Variants in IMPG2 observed in about 807,000 individuals in gnomAD.
IMPG2 encodes IPM 200.
Under a neutral mutation model 129.2 loss-of-function variants are expected in IMPG2, and 91 were observed. The ratio of observed to expected loss-of-function variants is 0.70; its 90% CI spans 0.59 to 0.84. IMPG2 has a LOEUF of 0.84. Among genes scored for constraint, IMPG2 ranks in the 40% least tolerant of loss-of-function variants. The pLI, the probability that IMPG2 is intolerant of heterozygous loss-of-function variation, is 0.00. For synonymous variants in IMPG2, 510 were observed against 517.7 expected, an observed-to-expected ratio of 0.99 and a Z score of 0.20; for missense variants, 1,430 against 1,461.7, an observed-to-expected ratio of 0.98 and a Z score of 0.35.
At chr3:101,313,868 C>A (rs1373370909) in intron 2 of IMPG2, among the ~76,000 whole-genome samples, 2 of 152,010 alleles carry the variant, frequency 1.3e-5, no homozygotes, top group African/African-American at 4.8e-5. Flanking sequence ...GCTACTAGAA[C>A]TGGTAAGTGA....
At chr3:101,306,023 G>A (rs1040530361) in intron 2 of IMPG2, among the ~76,000 whole-genome samples, 1 of 152,138 alleles carries the variant, frequency 6.6e-6, no homozygotes, top group East Asian at 1.9e-4. Flanking sequence ...TCCACATTGA[G>A]GTGGAGCCTC....
chr3:101,287,599 A>T (rs1162047430), intron 4 of IMPG2, among the ~76,000 whole-genome samples: 1 of 152,166 alleles, frequency 6.6e-6, no homozygotes, highest in East Asian at 1.9e-4. Flanking sequence ...ATCTACAACC[A>T]ACTGATCTTC....
intron 4 of IMPG2, among the ~76,000 whole-genome samples, chr3:101,289,606 T>C (rs898415791): frequency 6.6e-6 from 1 of 152,202 alleles, no homozygotes; most frequent in Admixed American, 6.5e-5. Flanking sequence ...AGAAGGAAAC[T>C]GAGACAGATG....
intron 18 of IMPG2, among the ~76,000 whole-genome samples, chr3:101,227,425 G>C (rs1706237001): frequency 6.6e-6 from 1 of 152,216 alleles, no homozygotes; most frequent in African/African-American, 2.4e-5. Context: ...CAGTGCACCA[G>C]AAGAAACAGA....
chr3:101,248,886 C>A (rs1418300021), intron 11 of IMPG2, among the ~76,000 whole-genome samples: 1 of 151,884 alleles, frequency 6.6e-6, no homozygotes, highest in Non-Finnish European at 1.5e-5. Context: ...GCCCTCTGCC[C>A]TAGGAGGCTG....
At chr3:101,298,488 A>C (rs1018311294) in intron 3 of IMPG2, among the ~76,000 whole-genome samples, 8 of 152,260 alleles carry the variant, frequency 5.3e-5, no homozygotes, top group Admixed American at 3.3e-4. Context: ...GTTTCTTCAT[A>C]GTGTCATTGG....
At chr3:101,254,253 G>T (rs1372011608) in intron 10 of IMPG2, among the ~76,000 whole-genome samples, 1 of 152,074 alleles carries the variant, frequency 6.6e-6, no homozygotes, top group African/African-American at 2.4e-5. Context: ...TCACTGTAAT[G>T]ATATTAAAGA....
At chr3:101,310,380 T>C (rs1707250989) in intron 2 of IMPG2, among the ~76,000 whole-genome samples, 1 of 151,998 alleles carries the variant, frequency 6.6e-6, no homozygotes, top group African/African-American at 2.4e-5. Flanking sequence ...TGGGCAACGA[T>C]ATCTTGTCTC....
intron 4 of IMPG2, among the ~76,000 whole-genome samples, chr3:101,279,637 G>A (rs931599597): frequency 1.2e-4 from 19 of 152,166 alleles, no homozygotes; most frequent in Non-Finnish European, 2.1e-4. Context: ...ACAGCAACTC[G>A]AATAGGATGT....
chr3:101,228,883 C>G lies in IMPG2; in HGVS notation c.3634-7G>C. 2 of 1,609,274 alleles carry G rather than the reference C, an allele frequency of 1.2e-6. No individual in the cohort carries two copies. Among genetic ancestry groups the G allele is most frequent in the Non-Finnish European group, 1.7e-6 (2 of 1,175,824 alleles). On this transcript the variant is annotated splice_region_variant and splice_polypyrimidine_tract_variant and intron_variant, in intron 17 of 18. Transcript: ENST00000193391. ...TCATTCTCTCTTGAATTTCCTTAAA[C>G]AAAAAAGAAACAATAGGCCACACAT... is the stretch of plus-strand genomic sequence containing the variant.
rs1296634517 is a variant in IMPG2, at chr3:101,244,457, G to T, written c.1874C>A (p.Ala625Asp). ...AAGCCACGGCTTGGACAGTGGTTCA[G>T]CGCTCTTCTCTGATGAAGTCTCACT... ...PWSETSSEKS[A>D]EPLSKPWLED... Residue 625 changes from alanine (A) to aspartate (D), a missense_variant, in exon 13 of 19, where the codon GCT becomes GAT. Ala to Asp is a moderately radical substitution (Grantham distance 126). Transcript: ENST00000193391. 3 of 1,614,156 alleles carry T rather than the reference G, an allele frequency of 1.9e-6. No individual in the cohort carries two copies. Among genetic ancestry groups the T allele is most frequent in the Non-Finnish European group, 2.5e-6 (3 of 1,180,012 alleles).
intron 4 of IMPG2, among the ~76,000 whole-genome samples, chr3:101,282,648 T>A (rs1364977302): frequency 6.6e-6 from 1 of 152,124 alleles, no homozygotes; most frequent in Admixed American, 6.5e-5. Flanking sequence ...TACAGATTTC[T>A]CCTTTACCTA....
Position 101,306,065 on chromosome 3 carries a change from C to T in IMPG2, c.335-1753G>A, listed in dbSNP as rs559112230. 1.5e-4 allele frequency among the ~76,000 whole-genome samples: 23 copies of T among 152,280 alleles called. 1 individual carries two copies. The highest frequency in any genetic ancestry group is 7.8e-4 in the Admixed American group (12 of 15,294). ...CCCACAGTCAGAAGATCTAAGTTCC[C>T]GCTCTAGCTTTCCAGTATACTAGTT... On this transcript the variant is annotated intron_variant, in intron 2 of 18. Transcript: ENST00000193391.
intron 14 of IMPG2, among the ~76,000 whole-genome samples, chr3:101,235,190 TG>T (rs1706333033): frequency 6.6e-6 from 1 of 152,254 alleles, no homozygotes; most frequent in Non-Finnish European, 1.5e-5. Flanking sequence ...ATCACCATCA[TG>T]CTGTGCATGG....
chr3:101,231,505 G>C (rs529264720), intron 15 of IMPG2, among the ~76,000 whole-genome samples: 18 of 152,200 alleles, frequency 1.2e-4, no homozygotes, highest in South Asian at 2.1e-4. Flanking sequence ...ACTGGGCCTA[G>C]AACCCAGGCC....
At chr3:101,229,311 C>CCCCCCCCCCCT in intron 17 of IMPG2, 69 bp downstream of exon 17, 1 of 876,522 alleles carries the variant, frequency 1.1e-6, no homozygotes, top group Non-Finnish European at 1.8e-6. Flanking sequence ...CCCCCACCCA[C>CCCCCCCCCCCT]CACCCCCTGC....
In IMPG2 at chr3:101,239,451, T is replaced by C. The variant is rs368912007; in HGVS notation, c.3022+3237A>G. Reference sequence around the variant, plus strand: ...AGGAAACAACAGATGCTGGAGAGGATGTGGAGAAATAGGAACACCTTTACA... The same window carrying C: ...AGGAAACAACAGATGCTGGAGAGGACGTGGAGAAATAGGAACACCTTTACA... On this transcript the variant is annotated intron_variant, in intron 14 of 18. Coordinates refer to ENST00000193391, the MANE Select transcript of IMPG2 (RefSeq NM_016247.4). Among the ~76,000 whole-genome samples, 15 of 152,296 alleles carry C rather than the reference T, an allele frequency of 9.8e-5. 1 individual carries two copies. The highest frequency in any genetic ancestry group is 3.6e-4 in the African/African-American group (15 of 41,558).
At chr3:101,278,736 T>G (rs1706863575) in intron 4 of IMPG2, among the ~76,000 whole-genome samples, 1 of 152,030 alleles carries the variant, frequency 6.6e-6, no homozygotes, top group African/African-American at 2.4e-5. Context: ...TAAAGATCTT[T>G]CTGGTTTTAA....
intron 9 of IMPG2, among the ~76,000 whole-genome samples, chr3:101,266,376 A>G (rs1442984563): frequency 2.0e-5 from 3 of 152,180 alleles, no homozygotes; most frequent in African/African-American, 7.2e-5. Flanking sequence ...TAACTTCCAA[A>G]TGCATTTTAA....
Sources: gnomAD v4.1 joint callset for allele counts (sites outside exome capture counted in the v4.1 genomes callset) on GRCh38, gnomAD v4.1.1 for gene constraint, MANE v1.5 for transcripts, NCBI Gene and HGNC (gene_info 2026-07-23, HGNC 2026-07-21) for gene names.